RELN: variants seen among roughly 807,000 people sequenced by gnomAD.
RELN encodes the protein reelin.
A neutral mutation model predicts 427.6 loss-of-function variants in RELN; 108 were observed. The ratio of observed to expected loss-of-function variants is 0.25; its 90% confidence interval spans 0.22 to 0.30. The LOEUF is 0.30. Ranked by LOEUF, RELN falls within the 10% of genes least tolerant of loss-of-function variation. RELN has a pLI of 1.00. For synonymous variants in RELN, 1,524 were observed against 1,513.4 expected (o/e 1.01, Z -0.16); for missense variants, 3,715 against 4,302.8 (o/e 0.86, Z 3.82).
intron 27 of RELN, among the ~76,000 whole-genome samples, chr7:103,590,601 T>A (rs6465930): frequency 0.6 from 90,545 of 150,634 alleles, 27,408 homozygotes; most frequent in East Asian, 0.67. Context: ...AATAAATAAA[T>A]ATAAAATAAA....
chr7:103,845,467 C>T (rs1793652078), intron 2 of RELN, among the ~76,000 whole-genome samples: 1 of 152,202 alleles, frequency 6.6e-6, no homozygotes, highest in South Asian at 2.1e-4. Flanking sequence ...AGGCACGAGC[C>T]AAGGCACCCG....
At chr7:103,557,252 GAGAA>G in intron 37 of RELN, 93 bp from the exon 38 acceptor site, 2 of 1,049,778 alleles carry the variant, frequency 1.9e-6, no homozygotes, top group Non-Finnish European at 2.9e-6. Context: ...CAATGCATAA[GAGAA>G]CTTATGTTTA....
chr7:103,796,775 C>T (rs1273492133), intron 3 of RELN, among the ~76,000 whole-genome samples: 1 of 150,258 alleles, frequency 6.7e-6, no homozygotes, highest in African/African-American at 2.4e-5. Context: ...GCAGAAGAAT[C>T]GCTTGAACCT....
Position 103,842,131 on chromosome 7 carries a change from T to C in RELN, c.338-8459A>G, listed in dbSNP as rs914473005. Among the ~76,000 whole-genome samples the C allele has an allele frequency of 3.3e-5, 5 of 152,180 alleles. 1 individual carries two copies. Among genetic ancestry groups the C allele is most frequent in the Non-Finnish European group, 7.3e-5 (5 of 68,034 alleles). On this transcript the variant is annotated intron_variant, in intron 2 of 64. Transcript: ENST00000428762. ...TTTTTCAGGAAGTTTAGCAAAGTTA[T>C]CACCTTATGTCTACATAAGAAGTGT... is the stretch of plus-strand genomic sequence containing the variant.
chr7:103,865,132 CAAAA>C (rs386410871), intron 2 of RELN, among the ~76,000 whole-genome samples: 1 of 67,198 alleles, frequency 1.5e-5, no homozygotes, highest in Non-Finnish European at 2.7e-5. Context: ...GAAACTGTCT[CAAAA>C]AAAAAAAAAA....
At chr7:103,950,085 T>C (rs1796303562) in intron 1 of RELN, among the ~76,000 whole-genome samples, 1 of 152,224 alleles carries the variant, frequency 6.6e-6, no homozygotes, top group Non-Finnish European at 1.5e-5. Flanking sequence ...GGTGAAAGCC[T>C]GTTTCCTGGT....
At chr7:103,782,383 GCTACATGA>G (rs1791913397) in intron 3 of RELN, among the ~76,000 whole-genome samples, 1 of 152,058 alleles carries the variant, frequency 6.6e-6, no homozygotes, top group Non-Finnish European at 1.5e-5. Context: ...CCACTTATGA[GCTACATGA>G]CTTTGGACAA....
At chr7:103,887,704 C>G (rs1794755459) in intron 2 of RELN, among the ~76,000 whole-genome samples, 1 of 151,846 alleles carries the variant, frequency 6.6e-6, no homozygotes, top group Non-Finnish European at 1.5e-5. Context: ...GAAGGGGATA[C>G]AAGAAATGTC....
At chr7:103,630,581 G>A (rs971255877) in intron 19 of RELN, among the ~76,000 whole-genome samples, 1 of 152,128 alleles carries the variant, frequency 6.6e-6, no homozygotes, top group African/African-American at 2.4e-5. Flanking sequence ...CAATAAACCT[G>A]CATCTGACAA....
In RELN at chr7:103,539,222, C is replaced by G; in HGVS notation, c.7036G>C (p.Val2346Leu). The G allele has an allele frequency of 6.2e-7, 1 of 1,614,230 alleles. No homozygotes were observed. The highest frequency in any genetic ancestry group is 1.7e-5 in the Admixed American group (1 of 60,032). ...LLHPGGTKMP[V>L]CGSTGDALVF... ...AGGGCATCACCAGTAGAGCCACACA[C>G]GGGCATCTTGGTGCCTCCTGGGTGA... Residue 2346 changes from valine (V) to leucine (L), a missense_variant, in exon 45 of 65, where the codon GTG becomes CTG. Physicochemically the swap from Val to Leu is conservative, Grantham distance 32 (BLOSUM62 1). This residue lies in a region of RELN where 1,310 missense variants were observed against 1,643.0 expected (regional missense o/e 0.80). Transcript: ENST00000428762.
intron 11 of RELN, among the ~76,000 whole-genome samples, chr7:103,666,865 T>A (rs551246126): frequency 6.6e-6 from 1 of 152,276 alleles, no homozygotes; most frequent in South Asian, 2.1e-4. Flanking sequence ...TACTTCTTTA[T>A]GGAGAAGGAG....
intron 4 of RELN, 57 bp downstream of exon 4, chr7:103,776,500 C>A: frequency 6.4e-7 from 1 of 1,555,082 alleles, no homozygotes; most frequent in Non-Finnish European, 8.9e-7. Flanking sequence ...ACATAGAACA[C>A]AGGACCTACC....
At chr7:103,591,591 C>G (rs1831416965) in intron 27 of RELN, among the ~76,000 whole-genome samples, 1 of 152,176 alleles carries the variant, frequency 6.6e-6, no homozygotes, top group Non-Finnish European at 1.5e-5. Context: ...TTAAACTCTT[C>G]TAACACAAAT....
chr7:103,773,164 C>CTTTCTT (rs1447006041), intron 4 of RELN, among the ~76,000 whole-genome samples: 13 of 106,324 alleles, frequency 1.2e-4, no homozygotes, highest in African/African-American at 4.2e-4. Context: ...TTCTTTCTTT[C>CTTTCTT]TTTTTCTTTC....
rs140538386 is a variant in RELN, at chr7:103,705,341, TACAA to T, written c.806-4339_806-4336del. Among the ~76,000 whole-genome samples, 1,487 of 152,094 alleles carry T rather than the reference TACAA, an allele frequency of 9.8e-3. 28 individuals are homozygous for T. Among genetic ancestry groups the T allele is most frequent in the African/African-American group, 0.034 (1,404 of 41,504 alleles). ...TCATTTCGAATGACACCACCCCAAA[TACAA>T]ACAAACAAACAAAAAAACCTAAAAC... On this transcript the variant is annotated intron_variant, in intron 8 of 64. Coordinates refer to ENST00000428762, the MANE Select transcript of RELN (RefSeq NM_005045.4).
intron 11 of RELN, among the ~76,000 whole-genome samples, chr7:103,680,414 G>C (rs1833627356): frequency 6.6e-6 from 1 of 152,094 alleles, no homozygotes; most frequent in African/African-American, 2.4e-5. Context: ...GTGGAGAGAT[G>C]AAAGCGTGGG....
At position 103,753,744 on chromosome 7, in the gene RELN, A is replaced by G. The variant is rs532081327; in HGVS notation, c.545-530T>C. 7.2e-5 allele frequency among the ~76,000 whole-genome samples: 11 copies of G among 152,350 alleles called. No homozygotes were observed. The South Asian group carries it at 1.2e-3, about 17-fold the overall frequency. On this transcript the variant is annotated intron_variant, in intron 4 of 64. Coordinates refer to ENST00000428762, the MANE Select transcript of RELN (RefSeq NM_005045.4). ...TGAATTGTGTCTCCAGAAGATTTTA[A>G]CTGTAATTTCCAGTATCTTCTAAAT... is the stretch of plus-strand genomic sequence containing the variant.
intron 3 of RELN, among the ~76,000 whole-genome samples, chr7:103,810,599 T>C (rs1792716708): frequency 6.6e-6 from 1 of 152,162 alleles, no homozygotes; most frequent in Non-Finnish European, 1.5e-5. Flanking sequence ...CCTGGCAATC[T>C]CGCTATTATC....
intron 30 of RELN, 40 bp from the exon 31 acceptor site, chr7:103,572,300 T>C (rs1213330039): frequency 1.9e-6 from 2 of 1,080,518 alleles, no homozygotes; most frequent in Non-Finnish European, 2.9e-6. Context: ...AAACAAGAGT[T>C]CAGAAGAGCT....
Sources: allele counts gnomAD v4.1 joint callset (sites outside exome capture counted in the v4.1 genomes callset), GRCh38; gene constraint gnomAD v4.1.1; regional missense constraint gnomAD v4.1.1; transcripts MANE v1.5; gene names NCBI Gene and HGNC (gene_info 2026-07-23, HGNC 2026-07-21).